TUBB8B: variants seen among roughly 807,000 people sequenced by gnomAD.
The protein encoded by TUBB8B is HSA18p11 beta-tubulin 4Q pseudogene.
TUBB8B carries 26 observed loss-of-function variants against 31.9 expected under a neutral mutation model. That is an observed-to-expected ratio of 0.81 (90% CI 0.60 to 1.13). The LOEUF (loss-of-function observed/expected upper bound fraction) is 1.13. Ranked by LOEUF, TUBB8B falls within the 50% of genes most tolerant of loss-of-function variation. The probability of loss-of-function intolerance (pLI) is 0.00; values close to 1 mark genes in which losing one functional copy is unlikely to be tolerated. For synonymous variants in TUBB8B, 173 were observed against 231.0 expected, an observed-to-expected ratio of 0.75 and a Z score of 2.28; for missense variants, 467 against 586.7, an observed-to-expected ratio of 0.80 and a Z score of 2.11.
the TUBB8B span, among the ~76,000 whole-genome samples, chr18:61,920 CTAT>C: frequency 2.0e-5 from 3 of 151,756 alleles, no homozygotes; most frequent in Admixed American, 6.6e-5. Context: ...TTTCCATGTG[CTAT>C]TACTACTGAG....
chr18:55,367 G>A, the TUBB8B span, among the ~76,000 whole-genome samples: 13 of 151,822 alleles, frequency 8.6e-5, no homozygotes, highest in African/African-American at 2.9e-4. Flanking sequence ...CCAGAGTGCT[G>A]GGATTACAGG....
the TUBB8B span, among the ~76,000 whole-genome samples, chr18:64,285 C>A: frequency 6.6e-6 from 1 of 152,204 alleles, no homozygotes; most frequent in Non-Finnish European, 1.5e-5. Flanking sequence ...CATCAACACA[C>A]TCACATATGC....
At chr18:51,056 G>A (rs1278980376), upstream of TUBB8B, among the ~76,000 whole-genome samples, 2 of 151,848 alleles carry the variant, frequency 1.3e-5, no homozygotes. Flanking sequence ...TCCAACTGCA[G>A]GGGCCTAGTA....
At chr18:59,186 G>A in the TUBB8B span, among the ~76,000 whole-genome samples, 3 of 151,722 alleles carry the variant, frequency 2.0e-5, no homozygotes, top group South Asian at 4.2e-4. Flanking sequence ...GAGTCTTTAC[G>A]TTTTTCCAAA....
At chr18:61,182 C>T in the TUBB8B span, among the ~76,000 whole-genome samples, 6 of 151,326 alleles carry the variant, frequency 4.0e-5, no homozygotes, top group East Asian at 1.2e-3. Context: ...AAGAATTGAT[C>T]TCTTTATTAT....
the TUBB8B span, among the ~76,000 whole-genome samples, chr18:63,566 C>T: frequency 6.6e-6 from 1 of 151,644 alleles, no homozygotes. Context: ...TGGTCTCACC[C>T]AAGGCCCACT....
chr18:50,103 T>A, upstream of TUBB8B: 1 of 356,234 alleles, frequency 2.8e-6, no homozygotes, highest in Non-Finnish European at 5.5e-6. Flanking sequence ...GGCGTCTGAT[T>A]TAGCTGGAGT....
At chr18:72,576 GC>G in the TUBB8B span, among the ~76,000 whole-genome samples, 68 of 152,200 alleles carry the variant, frequency 4.5e-4, 1 homozygote, top group East Asian at 0.011. Context: ...TCGCTCTGTT[GC>G]CCAGGGCTTG....
At chr18:51,992 G>C (rs1326730385), upstream of TUBB8B, among the ~76,000 whole-genome samples, 1 of 151,354 alleles carries the variant, frequency 6.6e-6, no homozygotes, top group Admixed American at 6.6e-5. Context: ...TTTATGGTTT[G>C]CCAGGCTTTA....
At chr18:62,118 G>A in the TUBB8B span, among the ~76,000 whole-genome samples, 12 of 151,648 alleles carry the variant, frequency 7.9e-5, no homozygotes, top group Non-Finnish European at 5.9e-5. Flanking sequence ...TTATTCTAAA[G>A]TAAAGTCTTT....
At chr18:64,548 AC>A in the TUBB8B span, among the ~76,000 whole-genome samples, 4 of 151,140 alleles carry the variant, frequency 2.6e-5, no homozygotes, top group East Asian at 7.9e-4. Context: ...ACATGGGGAA[AC>A]CCCCATCTCC....
chr18:54,297 A>G (rs1479018737), upstream of TUBB8B, among the ~76,000 whole-genome samples: 1 of 151,776 alleles, frequency 6.6e-6, no homozygotes, highest in East Asian at 1.9e-4. Flanking sequence ...GGGGTACATG[A>G]CATACTTTGA....
At chr18:73,099 G>GGTACCAGGGTCTCTCCCC in the TUBB8B span, among the ~76,000 whole-genome samples, 11 of 151,946 alleles carry the variant, frequency 7.2e-5, no homozygotes, top group Admixed American at 1.3e-4. Context: ...CCCCTCTCCC[G>GGTACCAGGGTCTCTCCCC]GTACCAGGGT....
the TUBB8B span, among the ~76,000 whole-genome samples, chr18:67,530 C>T: frequency 5.3e-5 from 8 of 152,020 alleles, no homozygotes; most frequent in East Asian, 3.9e-4. Context: ...TTTGTAGGGA[C>T]GGTGTCTGGC....
At chr18:70,111 CA>C in the TUBB8B span, among the ~76,000 whole-genome samples, 1 of 152,142 alleles carries the variant, frequency 6.6e-6, no homozygotes, top group African/African-American at 2.4e-5. Context: ...CCGAGATCTC[CA>C]CTGCGCCACT....
At chr18:61,203 CCTT>C in the TUBB8B span, among the ~76,000 whole-genome samples, 1 of 151,358 alleles carries the variant, frequency 6.6e-6, no homozygotes, top group African/African-American at 2.4e-5. Context: ...TATATAATGA[CCTT>C]CTTAATATCT....
the TUBB8B span, among the ~76,000 whole-genome samples, chr18:61,690 A>G: frequency 6.6e-6 from 1 of 151,200 alleles, no homozygotes; most frequent in Admixed American, 6.6e-5. Flanking sequence ...ACAATTTAAC[A>G]TTGATTGCAT....
chr18:47,948 C>T lies in TUBB8B; in HGVS notation c.777G>A (p.Pro259=), dbSNP rs55913776. The change falls in exon 4 of 4, where the codon CCG becomes CCA. Residue 259 remains proline (P), a synonymous_variant. Transcript: ENST00000308911. ...GCATGAAGAAATGCAGCCGGGGAAA[C>T]GGGACCATGTTCACGGCCAGCTTCC... The part of the protein sequence containing the change: ...DLRKLAVNMV[P]FPRLHFFMPG... 212,728 of 1,583,720 alleles carry T rather than the reference C, an allele frequency of 0.13. 1,419 individuals carry two copies. Among genetic ancestry groups the T allele is most frequent in the African/African-American group, 0.24 (17,619 of 73,110 alleles).
upstream of TUBB8B, chr18:50,457 GAGA>G (rs1256075165): frequency 2.6e-5 from 4 of 152,764 alleles, no homozygotes; most frequent in African/African-American, 9.7e-5. Flanking sequence ...GGTTTAACTG[GAGA>G]AGGAGAAAAT....
Sources: gnomAD v4.1 joint callset for allele counts (sites outside exome capture counted in the v4.1 genomes callset) on GRCh38, gnomAD v4.1.1 for gene constraint, MANE v1.5 for transcripts, NCBI Gene and HGNC (gene_info 2026-07-23, HGNC 2026-07-21) for gene names.